The following CYTH3 variants were observed in gnomAD, a reference collection of about 807,000 sequenced individuals.
CYTH3 encodes the protein cytohesin 3.
A neutral mutation model predicts 55.1 loss-of-function variants in CYTH3; 23 were observed. The observed-to-expected ratio is 0.42, with a 90% CI of 0.30 to 0.59. The LOEUF (loss-of-function observed/expected upper bound fraction) is 0.59, where lower values mean the gene tolerates loss of function less well. CYTH3 is among the 20% of genes least tolerant of loss of function. CYTH3 has a pLI of 0.20. For missense variants in CYTH3, 413 were observed against 524.8 expected, an observed-to-expected ratio of 0.79 and a Z score of 2.08; for synonymous variants, 249 against 194.9, an observed-to-expected ratio of 1.28 and a Z score of -2.31.
At chr7:6,181,053 A>G (rs959405254) in intron 4 of CYTH3, among the ~76,000 whole-genome samples, 15 of 152,120 alleles carry the variant, frequency 9.9e-5, no homozygotes, top group African/African-American at 3.6e-4. Context: ...TAAAAATCCT[A>G]TTTCTCTTCA....
At chr7:6,226,068 C>T (rs201571560) in intron 1 of CYTH3, among the ~76,000 whole-genome samples, 27 of 152,012 alleles carry the variant, frequency 1.8e-4, no homozygotes, top group East Asian at 3.8e-4. Flanking sequence ...CCTAGGTGGC[C>T]GAGAACATAA....
chr7:6,212,577 T>C (rs1784344296), intron 1 of CYTH3: 1 of 152,202 alleles, frequency 6.6e-6, no homozygotes, highest in African/African-American at 2.4e-5. Flanking sequence ...GTTCTCAAGG[T>C]TCACCCATGT....
chr7:6,241,656 A>G (rs1319460531), intron 1 of CYTH3, among the ~76,000 whole-genome samples: 1 of 152,090 alleles, frequency 6.6e-6, no homozygotes, highest in Non-Finnish European at 1.5e-5. Flanking sequence ...GTGCCCATCA[A>G]TAAGGTACTG....
chr7:6,187,575 C>T, intron 3 of CYTH3, 82 bp downstream of exon 3: 2 of 1,257,520 alleles, frequency 1.6e-6, no homozygotes, highest in Non-Finnish European at 2.3e-6. Flanking sequence ...CCACTCTCAC[C>T]CCACTTTCTG....
intron 1 of CYTH3, among the ~76,000 whole-genome samples, chr7:6,259,813 A>T (rs1480349601): frequency 1.3e-3 from 33 of 25,444 alleles, no homozygotes; most frequent in African/African-American, 1.5e-3. Context: ...ATATATATAT[A>T]ATATATATAT....
At chr7:6,254,488 G>C (rs577075635) in intron 1 of CYTH3, among the ~76,000 whole-genome samples, 2 of 152,290 alleles carry the variant, frequency 1.3e-5, no homozygotes, top group Middle Eastern at 3.4e-3. Context: ...TCGTTCTGTC[G>C]TCTAGGCTGG....
At chr7:6,190,375 G>A (rs1199337744) in intron 2 of CYTH3, 74 bp downstream of exon 2, 2 of 997,692 alleles carry the variant, frequency 2.0e-6, no homozygotes, top group Non-Finnish European at 2.7e-6. Context: ...TTTTTGTGAG[G>A]CTACTCTTTT....
chr7:6,179,675 A>T lies in CYTH3; in HGVS notation c.250-1734T>A, dbSNP rs577829619. On this transcript the variant is annotated intron_variant, in intron 4 of 12. Coordinates refer to ENST00000350796, the MANE Select transcript of CYTH3 (RefSeq NM_004227.4). ...CACCCCACACACACCCCACACACAC[A>T]CCACACACACCCCCCCACACACACA... Among the ~76,000 whole-genome samples the T allele has an allele frequency of 1.6e-4, 9 of 55,388 alleles. No individual in the cohort carries two copies. The East Asian group carries it at 4.8e-3, about 29-fold the overall frequency. The allele number at this position is 55,388 out of a possible 152,430, so 36.3% of individuals were successfully genotyped here. A position where few individuals can be genotyped will look rare whatever the true frequency, so the allele number is the denominator to read the frequency against.
In CYTH3 at chr7:6,172,649, C is replaced by T. The variant is rs73058676; in HGVS notation, c.449+1004G>A. Reference sequence around the variant, plus strand: ...CTGTGGGAATTAATAGGAACCTCTCCGGCTCTCGCCAGAGACTGATGGACT... The same window carrying T: ...CTGTGGGAATTAATAGGAACCTCTCTGGCTCTCGCCAGAGACTGATGGACT... On this transcript the variant is annotated intron_variant, in intron 6 of 12. Coordinates refer to ENST00000350796, the MANE Select transcript of CYTH3 (RefSeq NM_004227.4). 4.2e-3 allele frequency: 4,062 copies of T among 962,866 alleles called. 12 individuals are homozygous for T. The highest frequency in any genetic ancestry group is 4.7e-3 in the Non-Finnish European group (3,676 of 782,854). The allele number at this position is 962,866 out of a possible 1,614,324, so 59.6% of individuals were successfully genotyped here. A position where few individuals can be genotyped will look rare whatever the true frequency, so the allele number is the denominator to read the frequency against.
chr7:6,203,114 A>G lies in CYTH3; in HGVS notation c.35-12583T>C, dbSNP rs181910428. Among the ~76,000 whole-genome samples, 12 of 152,312 alleles carry G rather than the reference A, an allele frequency of 7.9e-5. No homozygotes were observed. In the East Asian group the frequency reaches 2.1e-3, roughly 27 times the overall value. ...AGTTATTCACAAAGTCAGAATTTATATGCATCTAACAAAATAGTCTCAAAA... is the reference window on the plus strand; with the variant it reads ...AGTTATTCACAAAGTCAGAATTTATGTGCATCTAACAAAATAGTCTCAAAA... On this transcript the variant is annotated intron_variant, in intron 1 of 12. Coordinates refer to ENST00000350796, the MANE Select transcript of CYTH3 (RefSeq NM_004227.4).
At chr7:6,179,945 A>G (rs1783464386) in intron 4 of CYTH3, among the ~76,000 whole-genome samples, 1 of 147,522 alleles carries the variant, frequency 6.8e-6, no homozygotes, top group African/African-American at 2.5e-5. Flanking sequence ...ACACACACAC[A>G]GTAGCAATGC....
rs1353466853 is a variant in CYTH3 at position 6,170,711 on chromosome 7, G to C, written c.712-65C>G. ...AGGAAAATGGCTGGCCGGGCAGAAAGCTCAGCGGGACCAGGGCGGCAAGGA... is the reference window on the plus strand; with the variant it reads ...AGGAAAATGGCTGGCCGGGCAGAAACCTCAGCGGGACCAGGGCGGCAAGGA... On this transcript the variant is annotated intron_variant, in intron 8 of 12. Transcript: ENST00000350796. This position sits in a 1 kb window ranked among gnomAD's most constrained non-coding sequence, Gnocchi z 7.8. 1.3e-6 allele frequency: 2 copies of C among 1,579,364 alleles called. No homozygotes were observed. Among genetic ancestry groups the C allele is most frequent in the Non-Finnish European group, 1.7e-6 (2 of 1,160,800 alleles).
rs1307720689 is a variant in CYTH3 at position 6,272,590 on chromosome 7, C to A, written c.-83G>T. 1.2e-5 allele frequency: 13 copies of A among 1,083,784 alleles called. No individual in the cohort carries two copies. Among genetic ancestry groups the A allele is most frequent in the Non-Finnish European group, 1.5e-5 (13 of 886,910 alleles). The allele number at this position is 1,083,784 out of a possible 1,614,324, so 67.1% of individuals were successfully genotyped here. ...TGGGGACGCCGCCGGAGGGAGCGCGCAGGCGACCGGGCGGCTCCTCAGCGC... is the reference window on the plus strand; with the variant it reads ...TGGGGACGCCGCCGGAGGGAGCGCGAAGGCGACCGGGCGGCTCCTCAGCGC... On this transcript the variant is annotated 5_prime_UTR_variant, in exon 1 of 13. Coordinates refer to ENST00000350796, the MANE Select transcript of CYTH3 (RefSeq NM_004227.4).
chr7:6,167,217 A>G lies in CYTH3; in HGVS notation c.824-1407T>C, dbSNP rs1279863406. On this transcript the variant is annotated intron_variant, in intron 9 of 12. Coordinates refer to ENST00000350796, the MANE Select transcript of CYTH3 (RefSeq NM_004227.4). This position sits in a 1 kb window ranked among gnomAD's most constrained non-coding sequence, Gnocchi z 5.5. ...TGCTCTCTGCAAGCCCTTGGCCTTC[A>G]CCTTCCCCACCTCCACTGCAGCACA... Among the ~76,000 whole-genome samples the G allele has an allele frequency of 6.6e-6, 1 of 151,746 alleles. No individual in the cohort carries two copies. Among genetic ancestry groups the G allele is most frequent in the African/African-American group, 2.4e-5 (1 of 41,286 alleles).
At position 6,170,631 on chromosome 7, in the gene CYTH3, T is replaced by G. The variant is rs1783152847; in HGVS notation, c.727A>C (p.Ile243Leu). The G allele has an allele frequency of 6.2e-7, 1 of 1,613,796 alleles. No individual in the cohort carries two copies. The highest frequency in any genetic ancestry group is 8.5e-7 in the Non-Finnish European group (1 of 1,179,866). The change falls in exon 9 of 13, where the codon ATT becomes CTT. Residue 243 changes from isoleucine to leucine, a missense_variant. Around this residue, in one of 4 missense-constraint regions of CYTH3, gnomAD observed 156 missense variants for 233.1 expected, o/e 0.67. Transcript: ENST00000350796. This position sits in a 1 kb window ranked among gnomAD's most constrained non-coding sequence, Gnocchi z 7.8. ...GGGATCTTAAATGGCTCGTTCTTAATGCTCTCATACAAATTCTGCAAGGAG... is the reference window on the plus strand; with the variant it reads ...GGGATCTTAAATGGCTCGTTCTTAAGGCTCTCATACAAATTCTGCAAGGAG... ...EELLRNLYESIKNEPFKIPED... is the reference protein window; with the variant it reads ...EELLRNLYESLKNEPFKIPED...
intron 1 of CYTH3, among the ~76,000 whole-genome samples, chr7:6,257,459 A>G (rs1014836192): frequency 5.3e-5 from 8 of 152,364 alleles, no homozygotes; most frequent in African/African-American, 1.7e-4. Flanking sequence ...TAAATTGCCA[A>G]TGCCACCTTT....
At chr7:6,264,956 G>A (rs1444816633) in intron 1 of CYTH3, among the ~76,000 whole-genome samples, 1 of 152,176 alleles carries the variant, frequency 6.6e-6, no homozygotes, top group East Asian at 1.9e-4. Context: ...TTTTAGATAG[G>A]TTGGTCAAGG....
intron 1 of CYTH3, among the ~76,000 whole-genome samples, chr7:6,197,049 C>CACAGAGTGAAGACGT (rs2128545813): frequency 6.6e-6 from 1 of 152,296 alleles, no homozygotes; most frequent in East Asian, 1.9e-4. Context: ...TGGTTGTTAA[C>CACAGAGTGAAGACGT]ACAGAGTGAA....
chr7:6,239,855 G>C (rs960098893), intron 1 of CYTH3, among the ~76,000 whole-genome samples: 13 of 152,140 alleles, frequency 8.5e-5, no homozygotes, highest in African/African-American at 2.9e-4. Context: ...CACTTGAATG[G>C]TAACAGACTT....
Sources: gnomAD v4.1 joint callset for allele counts (sites outside exome capture counted in the v4.1 genomes callset) on GRCh38, gnomAD v4.1.1 for gene constraint, gnomAD v4.1.1 regional missense constraint, Gnocchi (gnomAD v3.1) non-coding constraint, MANE v1.5 for transcripts, NCBI Gene and HGNC (gene_info 2026-07-23, HGNC 2026-07-21) for gene names.